ARHGEF26: variants seen among roughly 807,000 people sequenced by gnomAD.
The protein encoded by ARHGEF26 is Rho guanine nucleotide exchange factor (GEF) 26.
A neutral mutation model predicts 89.4 loss-of-function variants in ARHGEF26; 59 were observed. The observed-to-expected ratio is 0.66, with a 90% CI of 0.54 to 0.82. The LOEUF is 0.82. Ranked by LOEUF, ARHGEF26 falls within the 40% of genes least tolerant of loss-of-function variation. The pLI is 0.00. For synonymous variants in ARHGEF26, 500 were observed against 428.4 expected (o/e 1.17, Z -2.06); for missense variants, 1,234 against 1,085.6 (o/e 1.14, Z -1.92).
chr3:154,158,090 C>T (rs190860092), intron 6 of ARHGEF26, among the ~76,000 whole-genome samples: 60 of 152,228 alleles, frequency 3.9e-4, no homozygotes, highest in Admixed American at 7.2e-4. Context: ...GCCAGGGTGC[C>T]AGGCATCCTA....
Position 154,256,567 on chromosome 3 carries a change from A to AC in ARHGEF26, c.*1094_*1095insC. On this transcript the variant is annotated 3_prime_UTR_variant, in exon 15 of 15. Transcript: ENST00000465093. ...ATTAATTAAAAAAAAAAAAAAAAAA[A>AC]AAAAAAAACCTTCCCAAATGAGCTG... 2 of 1,000,580 alleles carry AC rather than the reference A, an allele frequency of 2.0e-6. No homozygotes were observed. Among genetic ancestry groups the AC allele is most frequent in the African/African-American group, 1.8e-5 (1 of 56,022 alleles). 62.0% of individuals were successfully genotyped at this position (1,000,580 alleles called of 1,614,324 possible).
intron 11 of ARHGEF26, among the ~76,000 whole-genome samples, chr3:154,239,295 A>AGTGTGT (rs1717335546): frequency 8.5e-5 from 5 of 58,698 alleles, no homozygotes; most frequent in African/African-American, 3.1e-4. Flanking sequence ...AGAGAGAGAG[A>AGTGTGT]GAGAGTGTGT....
At position 154,257,080 on chromosome 3, in the gene ARHGEF26, A is replaced by C. The variant is rs1287057190; in HGVS notation, c.*1607A>C. 7.4e-7 allele frequency: 1 copy of C among 1,346,740 alleles called. No individual in the cohort carries two copies. Among genetic ancestry groups the C allele is most frequent in the African/African-American group, 1.5e-5 (1 of 66,996 alleles). The allele number at this position is 1,346,740 out of a possible 1,614,324, so 83.4% of individuals were successfully genotyped here. A position where few individuals can be genotyped will look rare whatever the true frequency, so the allele number is the denominator to read the frequency against. Reference sequence around the variant, plus strand: ...ACTACTGTCCGCTAACTAGTTATCCAAATTGTAAAGCTACAGAAGCCCAGT... The same window carrying C: ...ACTACTGTCCGCTAACTAGTTATCCCAATTGTAAAGCTACAGAAGCCCAGT... On this transcript the variant is annotated 3_prime_UTR_variant, in exon 15 of 15. Coordinates refer to ENST00000465093, the MANE Select transcript of ARHGEF26 (RefSeq NM_015595.4).
intron 9 of ARHGEF26, among the ~76,000 whole-genome samples, chr3:154,212,118 T>C (rs1389052962): frequency 6.6e-6 from 1 of 152,066 alleles, no homozygotes; most frequent in Non-Finnish European, 1.5e-5. Context: ...GTAGGCGTAT[T>C]GCTTGAGCCC....
At position 154,253,308 on chromosome 3, in the gene ARHGEF26, T is replaced by A. The variant is rs1718278839; in HGVS notation, c.2368+125T>A. 2.9e-6 allele frequency: 3 copies of A among 1,018,038 alleles called. No individual in the cohort carries two copies. The East Asian group carries it at 7.6e-5, about 26-fold the overall frequency. 63.1% of individuals were successfully genotyped at this position (1,018,038 alleles called of 1,614,324 possible). On this transcript the variant is annotated intron_variant, in intron 13 of 14. Transcript: ENST00000465093. ...CTAAGTTTCCTCCAGGGCTTCCTTC[T>A]GCTTTACACCAAAAATGTATGATCC...
At chr3:154,202,741 G>C (rs544013953) in intron 9 of ARHGEF26, among the ~76,000 whole-genome samples, 51 of 146,630 alleles carry the variant, frequency 3.5e-4, no homozygotes, top group African/African-American at 1.2e-3. Flanking sequence ...TGGATTCCTA[G>C]GTATTTTATT....
intron 10 of ARHGEF26, among the ~76,000 whole-genome samples, chr3:154,218,710 T>C (rs911021286): frequency 6.6e-6 from 1 of 152,262 alleles, no homozygotes; most frequent in African/African-American, 2.4e-5. Flanking sequence ...CAGCATTTCA[T>C]GGTATTCTGT....
intron 10 of ARHGEF26, among the ~76,000 whole-genome samples, chr3:154,223,139 G>A (rs1366468578): frequency 6.6e-6 from 1 of 152,118 alleles, no homozygotes; most frequent in Non-Finnish European, 1.5e-5. Flanking sequence ...AGAAGTTGAG[G>A]TTTCTCAGGC....
At chr3:154,144,609 A>T (rs967778268) in intron 4 of ARHGEF26, among the ~76,000 whole-genome samples, 4 of 152,118 alleles carry the variant, frequency 2.6e-5, no homozygotes, top group African/African-American at 7.2e-5. Flanking sequence ...TCTCAGCCTC[A>T]TGTCTGTATT....
intron 6 of ARHGEF26, among the ~76,000 whole-genome samples, chr3:154,158,848 G>T (rs931358733): frequency 6.6e-6 from 1 of 151,766 alleles, no homozygotes; most frequent in African/African-American, 2.4e-5. Context: ...GGTTACTTAG[G>T]ATAATTTATA....
intron 12 of ARHGEF26, among the ~76,000 whole-genome samples, chr3:154,240,784 T>A (rs1287975873): frequency 6.6e-6 from 1 of 152,258 alleles, no homozygotes; most frequent in Non-Finnish European, 1.5e-5. Flanking sequence ...ATGTTGTTAT[T>A]TTTTCCCTAT....
intron 11 of ARHGEF26, among the ~76,000 whole-genome samples, chr3:154,232,099 T>G (rs909057512): frequency 1.4e-4 from 21 of 152,174 alleles, no homozygotes; most frequent in African/African-American, 4.3e-4. Flanking sequence ...CTTCAGGGCT[T>G]GCTTAGTTCA....
chr3:154,150,533 G>C (rs1426562113), intron 5 of ARHGEF26, among the ~76,000 whole-genome samples: 2 of 151,986 alleles, frequency 1.3e-5, no homozygotes, highest in Non-Finnish European at 2.9e-5. Flanking sequence ...CATTATTTTT[G>C]AGATTATTCA....
At position 154,257,022 on chromosome 3, in the gene ARHGEF26, T is replaced by C; in HGVS notation, c.*1549T>C. 1 of 1,476,408 alleles carries C rather than the reference T, an allele frequency of 6.8e-7. No individual in the cohort carries two copies. Among genetic ancestry groups the C allele is most frequent in the African/African-American group, 1.4e-5 (1 of 70,456 alleles). The allele number at this position is 1,476,408 out of a possible 1,614,324, so 91.5% of individuals were successfully genotyped here. On this transcript the variant is annotated 3_prime_UTR_variant, in exon 15 of 15. Coordinates refer to ENST00000465093, the MANE Select transcript of ARHGEF26 (RefSeq NM_015595.4). ...TAAAACCTGGCAAAGTGTACATTAT[T>C]GGAGGACTCAAATCTGTATGTGACA...
chr3:154,124,902 A>G (rs896014), intron 3 of ARHGEF26, among the ~76,000 whole-genome samples: 137,760 of 151,936 alleles, frequency 0.91, 62,683 homozygotes, highest in East Asian at 1. Flanking sequence ...AGCTTTGGGG[A>G]AACTCTAACT....
At chr3:154,174,435 A>G (rs1559877691) in intron 6 of ARHGEF26, among the ~76,000 whole-genome samples, 1 of 152,246 alleles carries the variant, frequency 6.6e-6, no homozygotes, top group Non-Finnish European at 1.5e-5. Context: ...AGCTTGATAC[A>G]ATGGCTGGGG....
intron 4 of ARHGEF26, among the ~76,000 whole-genome samples, chr3:154,130,696 T>C (rs1718633954): frequency 2.0e-5 from 3 of 152,192 alleles, no homozygotes; most frequent in African/African-American, 7.2e-5. Context: ...CATTTGCGAA[T>C]ATCTGATGAA....
At chr3:154,173,579 CTTTAATG>C (rs1350666295) in intron 6 of ARHGEF26, among the ~76,000 whole-genome samples, 1 of 152,182 alleles carries the variant, frequency 6.6e-6, no homozygotes, top group Non-Finnish European at 1.5e-5. Context: ...TTAATTCGTT[CTTTAATG>C]TTTAATGTTT....
intron 4 of ARHGEF26, among the ~76,000 whole-genome samples, chr3:154,148,559 T>A (rs13071790): frequency 0.14 from 21,970 of 152,062 alleles, 1,881 homozygotes; most frequent in East Asian, 0.36. Context: ...CATTCTCTTC[T>A]CCTTAAGATT....
Sources: gnomAD v4.1 joint callset for allele counts (sites outside exome capture counted in the v4.1 genomes callset) on GRCh38, gnomAD v4.1.1 for gene constraint, MANE v1.5 for transcripts, NCBI Gene and HGNC (gene_info 2026-07-23, HGNC 2026-07-21) for gene names.